DNAJA2: variants seen among roughly 807,000 people sequenced by gnomAD.
DNAJA2 encodes DnaJ heat shock protein family (Hsp40) member A2.
Under a neutral mutation model 49.3 loss-of-function variants are expected in DNAJA2, and 6 were observed. That is an observed-to-expected ratio of 0.12 (90% CI 0.07 to 0.24). DNAJA2 has a LOEUF of 0.24. Among genes scored for constraint, DNAJA2 ranks in the 10% least tolerant of loss-of-function variants. DNAJA2 has a pLI of 1.00. For missense variants in DNAJA2, 347 were observed against 516.8 expected, an observed-to-expected ratio of 0.67 and a Z score of 3.19; for synonymous variants, 160 against 172.7, an observed-to-expected ratio of 0.93 and a Z score of 0.58.
chr16:46,958,079 C>A (rs1053716416), intron 8 of DNAJA2, among the ~76,000 whole-genome samples: 14 of 152,196 alleles, frequency 9.2e-5, no homozygotes, highest in Admixed American at 3.3e-4. Context: ...TGGCTCACGA[C>A]TGCAATCCCA....
intron 7 of DNAJA2, 46 bp from the exon 8 acceptor site, chr16:46,959,176 G>A: frequency 6.4e-7 from 1 of 1,574,236 alleles, no homozygotes; most frequent in Non-Finnish European, 8.6e-7. Context: ...CAAAAGAGGT[G>A]TTCAATTTTT....
chr16:46,972,111 G>A (rs1596659905), intron 1 of DNAJA2, 156 bp from the exon 2 acceptor site: 1 of 622,020 alleles, frequency 1.6e-6, no homozygotes, highest in Non-Finnish European at 2.8e-6. Context: ...ACTTTCTCGC[G>A]ATACTGTTTA....
intron 2 of DNAJA2, 77 bp from the exon 3 acceptor site, chr16:46,971,649 T>C (rs1425113562): frequency 3.5e-5 from 18 of 521,640 alleles, no homozygotes; most frequent in Non-Finnish European, 5.2e-5. Flanking sequence ...GAATCCAGAA[T>C]CCATTTAATT....
Position 46,971,970 on chromosome 16 carries a change from A to G in DNAJA2, c.79-15T>C. On this transcript the variant is annotated splice_polypyrimidine_tract_variant and intron_variant, in intron 1 of 8. Coordinates refer to ENST00000317089, the MANE Select transcript of DNAJA2 (RefSeq NM_005880.4). ...TTTCTGTATGCCTTTGAAAATGGAT[A>G]AAAACAAAAAAGGTTATAACTAAAC... 6.3e-7 allele frequency: 1 copy of G among 1,590,504 alleles called. No individual in the cohort carries two copies. The highest frequency in any genetic ancestry group is 8.6e-7 in the Non-Finnish European group (1 of 1,159,856).
At chr16:46,957,856 T>C (rs1381095561) in intron 8 of DNAJA2, among the ~76,000 whole-genome samples, 1 of 152,100 alleles carries the variant, frequency 6.6e-6, no homozygotes, top group Non-Finnish European at 1.5e-5. Context: ...CCTCTGCAAA[T>C]GAGGAACCTG....
intron 5 of DNAJA2, among the ~76,000 whole-genome samples, chr16:46,965,400 G>GA (rs1178000614): frequency 1.3e-5 from 2 of 152,160 alleles, no homozygotes; most frequent in African/African-American, 4.8e-5. Flanking sequence ...ATTATAGTGT[G>GA]AAAAAACTGC....
At chr16:46,958,754 G>A (rs1333409092) in intron 8 of DNAJA2, 2 of 357,328 alleles carry the variant, frequency 5.6e-6, no homozygotes, top group East Asian at 9.3e-5. Context: ...ACTCCAGCTT[G>A]GGTGACACAG....
At chr16:46,973,339 G>A (rs1279170214) in intron 1 of DNAJA2, among the ~76,000 whole-genome samples, 156 bp downstream of exon 1, 2 of 150,746 alleles carry the variant, frequency 1.3e-5, no homozygotes, top group Non-Finnish European at 3.0e-5. Flanking sequence ...GGCTCGCGGC[G>A]AGGCCGGTCC....
chr16:46,962,598 C>T (rs1367960344), intron 6 of DNAJA2, among the ~76,000 whole-genome samples: 1 of 152,166 alleles, frequency 6.6e-6, no homozygotes, highest in Non-Finnish European at 1.5e-5. Flanking sequence ...CCCTCATATT[C>T]CTGGTATGGT....
At chr16:46,970,265 AGGCACCATTCATGTGTT>A (rs1407223277) in intron 3 of DNAJA2, among the ~76,000 whole-genome samples, 1 of 152,264 alleles carries the variant, frequency 6.6e-6, no homozygotes, top group Non-Finnish European at 1.5e-5. Context: ...GACCAAGGTC[AGGCACCATTCATGTGTT>A]GGCAGGTTAA....
Position 46,955,973 on chromosome 16 carries a change from C to T in DNAJA2, c.*1056G>A, listed in dbSNP as rs559595855. The T allele has an allele frequency of 2.6e-5, 4 of 152,222 alleles. No individual in the cohort carries two copies. The highest frequency in any genetic ancestry group is 5.9e-5 in the Non-Finnish European group (4 of 68,012). 9.4% of individuals were successfully genotyped at this position (152,222 alleles called of 1,614,324 possible). ...ACTTTTCTATAAAACATTACAGAAA[C>T]TCAAAATAATAATCAATGGCTTCTC... On this transcript the variant is annotated 3_prime_UTR_variant, in exon 9 of 9. Coordinates refer to ENST00000317089, the MANE Select transcript of DNAJA2 (RefSeq NM_005880.4).
chr16:46,958,677 G>C (rs1961851801), intron 8 of DNAJA2: 1 of 227,844 alleles, frequency 4.4e-6, no homozygotes, highest in South Asian at 1.7e-4. Context: ...TACTTGGGTG[G>C]CTAAGGCATG....
In DNAJA2 at chr16:46,964,814, A is replaced by C. The variant is rs777469595; in HGVS notation, c.578-7T>G. 8 of 1,610,380 alleles carry C rather than the reference A, an allele frequency of 5.0e-6. No homozygotes were observed. Among genetic ancestry groups the C allele is most frequent in the Middle Eastern group, 3.3e-4 (2 of 6,058 alleles). On this transcript the variant is annotated splice_region_variant and splice_polypyrimidine_tract_variant and intron_variant, in intron 5 of 8. Transcript: ENST00000317089. ...TTTTCATTAATTACCTCTCCTGGAA[A>C]GAGAAGTCATTGAAACTTTCAGCAA...
rs35370722 is a variant in DNAJA2, at chr16:46,958,563, C to CA, written c.1047+439dup. On this transcript the variant is annotated intron_variant, in intron 8 of 8. Coordinates refer to ENST00000317089, the MANE Select transcript of DNAJA2 (RefSeq NM_005880.4). ...TGGGTGACAGAGCAAGACTCCATCT[C>CA]AAAAAAAAAAACAAAAACAAACAAA... is the stretch of plus-strand genomic sequence containing the variant. The CA allele has an allele frequency of 1.0e-3, 132 of 129,174 alleles. 1 individual carries two copies. The highest frequency in any genetic ancestry group is 1.8e-3 in the African/African-American group (64 of 35,438). The allele number at this position is 129,174 out of a possible 1,614,324, so 8.0% of individuals were successfully genotyped here.
Position 46,964,640 on chromosome 16 carries a change from C to G in DNAJA2, c.745G>C (p.Val249Leu). The change falls in exon 6 of 9, where the codon GTT becomes CTT. Residue 249 changes from valine to leucine, a missense_variant. Val to Leu is a conservative substitution (Grantham distance 32). Coordinates refer to ENST00000317089, the MANE Select transcript of DNAJA2 (RefSeq NM_005880.4). Reference protein sequence around the residue: ...QAPGVEPGDIVLLLQEKEHEV... With the variant: ...QAPGVEPGDILLLLQEKEHEV... ...TGTTCTTTCTCCTGTAGCAAAAGAACAATGTCTCCGGGTTCCACTCCTGGG... is the reference window on the plus strand; with the variant it reads ...TGTTCTTTCTCCTGTAGCAAAAGAAGAATGTCTCCGGGTTCCACTCCTGGG... 1 of 1,606,758 alleles carries G rather than the reference C, an allele frequency of 6.2e-7. No homozygotes were observed. The highest frequency in any genetic ancestry group is 1.1e-5 in the South Asian group (1 of 89,196).
At chr16:46,961,518 A>G (rs1961894857) in intron 6 of DNAJA2, among the ~76,000 whole-genome samples, 2 of 151,652 alleles carry the variant, frequency 1.3e-5, no homozygotes, top group Non-Finnish European at 2.9e-5. Context: ...ATGAAACCCC[A>G]TCTCTACTAA....
chr16:46,972,156 C>T (rs1350875513), intron 1 of DNAJA2: 2 of 544,342 alleles, frequency 3.7e-6, no homozygotes, highest in East Asian at 6.1e-5. Flanking sequence ...AGCAGCTATA[C>T]TTGAAAACAG....
At chr16:46,973,057 G>A (rs1596660390) in intron 1 of DNAJA2, 1 of 152,104 alleles carries the variant, frequency 6.6e-6, no homozygotes, top group Non-Finnish European at 1.5e-5. Context: ...CGGAGCACCA[G>A]ACCCGGGGCC....
intron 6 of DNAJA2, among the ~76,000 whole-genome samples, chr16:46,960,676 G>C (rs1346339765): frequency 1.3e-5 from 2 of 152,162 alleles, no homozygotes; most frequent in Non-Finnish European, 2.9e-5. Flanking sequence ...CTACTTAGGA[G>C]GCTGCGGCAG....
Sources: allele counts gnomAD v4.1 joint callset (sites outside exome capture counted in the v4.1 genomes callset), GRCh38; gene constraint gnomAD v4.1.1; transcripts MANE v1.5; gene names NCBI Gene and HGNC (gene_info 2026-07-23, HGNC 2026-07-21).